SEMA3A: variants seen among roughly 807,000 people sequenced by gnomAD.
The protein encoded by SEMA3A is semaphorin 3A.
Under a neutral mutation model 97.9 loss-of-function variants are expected in SEMA3A, and 29 were observed. The ratio of observed to expected loss-of-function variants is 0.30; its 90% CI spans 0.22 to 0.40. SEMA3A has a LOEUF of 0.40. SEMA3A is among the 10% of genes least tolerant of loss of function. The pLI, the probability that SEMA3A is intolerant of heterozygous loss-of-function variation, is 1.00. For missense variants in SEMA3A, 763 were observed against 951.3 expected (o/e 0.80, Z 2.60); for synonymous variants, 321 against 323.7 (o/e 0.99, Z 0.09).
rs905836165 is a variant in SEMA3A, at chr7:84,374,462, ATGTG to A, written c.-245-2566_-245-2563del. Among the ~76,000 whole-genome samples the A allele has an allele frequency of 4.6e-5, 7 of 152,044 alleles. No homozygotes were observed. In the East Asian group the frequency reaches 5.8e-4, roughly 13 times the overall value. On this transcript the variant is annotated intron_variant, in intron 1 of 3. Coordinates refer to the SEMA3A transcript ENST00000424555. ...TCATACACTTACATTTTATGAATTG[ATGTG>A]TGTGTGTGTATGTGCATACGCAAGT... is the stretch of plus-strand genomic sequence containing the variant.
At chr7:84,229,234 A>G (rs997861383) in intron 3 of SEMA3A, among the ~76,000 whole-genome samples, 3 of 152,108 alleles carry the variant, frequency 2.0e-5, no homozygotes, top group Non-Finnish European at 4.4e-5. Context: ...TTGATAATAA[A>G]ACCAAATAAT....
rs36003945 is a variant in SEMA3A, at chr7:84,019,387, G to GAA, written c.668-5038_668-5037dup. Among the ~76,000 whole-genome samples the GAA allele has an allele frequency of 1.1e-4, 15 of 133,798 alleles. No individual in the cohort carries two copies. The South Asian group carries it at 1.2e-3, about 10-fold the overall frequency. 87.8% of individuals were successfully genotyped at this position (133,798 alleles called of 152,430 possible). On this transcript the variant is annotated intron_variant, in intron 6 of 16. Coordinates refer to ENST00000265362, the MANE Select transcript of SEMA3A (RefSeq NM_006080.3). ...TGATTAGGAGTGTACAGAGTAAAAA[G>GAA]AAAAAAAAAAAGAGAAGAGAAACTA...
At chr7:84,080,198 G>T (rs540810934) in intron 4 of SEMA3A, among the ~76,000 whole-genome samples, 10 of 93,374 alleles carry the variant, frequency 1.1e-4, no homozygotes, top group African/African-American at 4.2e-4. Flanking sequence ...TCTGGGGACT[G>T]TTGTGGGGTG....
At chr7:84,306,130 T>C (rs970681575) in intron 3 of SEMA3A, among the ~76,000 whole-genome samples, 7 of 151,998 alleles carry the variant, frequency 4.6e-5, no homozygotes, top group South Asian at 4.2e-4. Context: ...TCAACATACT[T>C]CTTAAATCAG....
chr7:84,062,817 C>T (rs1793298682), intron 4 of SEMA3A, among the ~76,000 whole-genome samples: 1 of 151,826 alleles, frequency 6.6e-6, no homozygotes, highest in Non-Finnish European at 1.5e-5. Context: ...TGAGATCAAA[C>T]TACAAGGCCG....
intron 3 of SEMA3A, among the ~76,000 whole-genome samples, chr7:84,294,589 T>C (rs76156812): frequency 0.016 from 2,488 of 152,172 alleles, 27 homozygotes; most frequent in Non-Finnish European, 0.025. Context: ...ACATATTTCA[T>C]TGAAAATTTT....
Position 84,208,104 on chromosome 7 carries a change from A to G in SEMA3A, c.-82-13436T>C, listed in dbSNP as rs561608866. Among the ~76,000 whole-genome samples the G allele has an allele frequency of 2.6e-5, 4 of 152,282 alleles. No individual in the cohort carries two copies. The South Asian group carries it at 8.3e-4, about 32-fold the overall frequency. The stretch of plus-strand genomic sequence containing the variant: ...ATATACACACACATCCATATTTAAT[A>G]TAATTCAAAGTAGTTATTAAACTTT... On this transcript the variant is annotated intron_variant, in intron 3 of 3. Transcript: ENST00000424555.
chr7:84,085,067 G>C lies in SEMA3A; in HGVS notation c.454-24509C>G, dbSNP rs951443836. Among the ~76,000 whole-genome samples the C allele has an allele frequency of 3.0e-5, 4 of 134,934 alleles. No homozygotes were observed. In the East Asian group the frequency reaches 8.7e-4, roughly 29 times the overall value. The allele number at this position is 134,934 out of a possible 152,430, so 88.5% of individuals were successfully genotyped here. ...GGTAGGGATCTAATCACAATGGTAA[G>C]AGAATTTTTTTTTTCTTTATACATA... On this transcript the variant is annotated intron_variant, in intron 4 of 16. Coordinates refer to ENST00000265362, the MANE Select transcript of SEMA3A (RefSeq NM_006080.3).
At chr7:84,321,793 G>C (rs1038976834) in intron 2 of SEMA3A, among the ~76,000 whole-genome samples, 12 of 147,974 alleles carry the variant, frequency 8.1e-5, no homozygotes, top group Admixed American at 4.1e-4. Context: ...GGTGAATCGT[G>C]TGAACCGGGG....
At chr7:84,187,668 T>C (rs1312207088) in intron 1 of SEMA3A, among the ~76,000 whole-genome samples, 3 of 152,156 alleles carry the variant, frequency 2.0e-5, no homozygotes, top group African/African-American at 7.2e-5. Context: ...CTCTACTATA[T>C]ATTATAATGC....
intron 1 of SEMA3A, among the ~76,000 whole-genome samples, chr7:84,143,019 T>C (rs966940170): frequency 3.3e-5 from 5 of 152,186 alleles, no homozygotes; most frequent in Admixed American, 2.0e-4. Flanking sequence ...CAGTTTTGCT[T>C]AACACAATAA....
intron 3 of SEMA3A, among the ~76,000 whole-genome samples, chr7:84,301,613 G>T (rs1273673505): frequency 6.6e-6 from 1 of 152,004 alleles, no homozygotes; most frequent in African/African-American, 2.4e-5. Context: ...CAATTTTTTT[G>T]TTTTAAGGGC....
At chr7:84,297,548 G>A (rs932832237) in intron 3 of SEMA3A, among the ~76,000 whole-genome samples, 5 of 152,064 alleles carry the variant, frequency 3.3e-5, no homozygotes, top group Admixed American at 6.6e-5. Flanking sequence ...AAAATAAATT[G>A]TTCCAGAATA....
Position 84,423,427 on chromosome 7 carries a change from A to G in SEMA3A, c.-245-51527T>C, listed in dbSNP as rs1041791150. 1.3e-4 allele frequency among the ~76,000 whole-genome samples: 20 copies of G among 152,082 alleles called. 1 individual carries two copies. The highest frequency in any genetic ancestry group is 1.2e-4 in the Non-Finnish European group (8 of 67,992). ...TTTGCTATTCTTTCAGCAAAAACTC[A>G]GTCACTGCACATAACCTGGAGGGTC... On this transcript the variant is annotated intron_variant, in intron 1 of 3. Coordinates refer to the SEMA3A transcript ENST00000424555.
intron 1 of SEMA3A, among the ~76,000 whole-genome samples, chr7:84,425,103 T>G (rs1804760438): frequency 9.3e-6 from 1 of 108,006 alleles, no homozygotes; most frequent in South Asian, 2.8e-4. Flanking sequence ...TATATAAATA[T>G]AAATATATAT....
Position 83,963,354 on chromosome 7 carries a change from A to G in SEMA3A, c.1718-7T>C, listed in dbSNP as rs760938174. On this transcript the variant is annotated splice_region_variant and splice_polypyrimidine_tract_variant and intron_variant, in intron 15 of 16. Coordinates refer to ENST00000265362, the MANE Select transcript of SEMA3A (RefSeq NM_006080.3). ...CTGTGGCCATGGTGATTATCTGGCC[A>G]GTGATGAGAAAATGCAATGAGAAAA... is the stretch of plus-strand genomic sequence containing the variant. 3.7e-6 allele frequency: 6 copies of G among 1,604,326 alleles called. No individual in the cohort carries two copies. The South Asian group carries it at 6.6e-5, about 18-fold the overall frequency.
chr7:84,112,982 C>T lies in SEMA3A; in HGVS notation c.334-2393G>A, dbSNP rs1795319159. On this transcript the variant is annotated intron_variant, in intron 3 of 16. Coordinates refer to ENST00000265362, the MANE Select transcript of SEMA3A (RefSeq NM_006080.3). ...ATTGGCCTAAGGCCTGGAATGATTC[C>T]CTTCATTTCCCCACTGAACTCTCCC... 2.6e-5 allele frequency among the ~76,000 whole-genome samples: 4 copies of T among 152,208 alleles called. No individual in the cohort carries two copies. In the South Asian group the frequency reaches 8.3e-4, roughly 32 times the overall value.
At chr7:83,976,829 A>G (rs1043856351) in intron 15 of SEMA3A, among the ~76,000 whole-genome samples, 11 of 152,110 alleles carry the variant, frequency 7.2e-5, no homozygotes, top group Admixed American at 5.2e-4. Context: ...GGTTGCTACT[A>G]TATACAAAAT....
At chr7:84,176,522 A>G (rs955634196) in intron 1 of SEMA3A, among the ~76,000 whole-genome samples, 2 of 152,176 alleles carry the variant, frequency 1.3e-5, no homozygotes, top group African/African-American at 2.4e-5. Context: ...AGGGTGCCAG[A>G]TTAATGCCTA....
Sources: allele counts gnomAD v4.1 joint callset (sites outside exome capture counted in the v4.1 genomes callset), GRCh38; gene constraint gnomAD v4.1.1; transcripts MANE v1.5; gene names NCBI Gene and HGNC (gene_info 2026-07-23, HGNC 2026-07-21).